Variants in MBNL1 observed in about 807,000 individuals in gnomAD.
MBNL1 encodes the protein muscleblind like splicing regulator 1, also known as muscleblind-like protein 1.
Under a neutral mutation model 42.2 loss-of-function variants are expected in MBNL1, and 8 were observed. The observed-to-expected ratio is 0.19, with a 90% CI of 0.11 to 0.34. The LOEUF (loss-of-function observed/expected upper bound fraction) is 0.34, where lower values mean the gene tolerates loss of function less well. MBNL1 is among the 10% of genes least tolerant of loss of function. MBNL1 has a pLI of 1.00. For missense variants in MBNL1, 309 were observed against 495.3 expected (o/e 0.62, Z 3.57); for synonymous variants, 169 against 173.9 (o/e 0.97, Z 0.22).
chr3:152,401,318 A>G (rs1449867902), intron 2 of MBNL1, among the ~76,000 whole-genome samples: 2 of 152,208 alleles, frequency 1.3e-5, no homozygotes, highest in Non-Finnish European at 2.9e-5. Flanking sequence ...CTTGGCAAGA[A>G]AAGAAGGGAG....
chr3:152,346,171 G>A (rs2094204030), intron 2 of MBNL1, among the ~76,000 whole-genome samples: 2 of 152,094 alleles, frequency 1.3e-5, no homozygotes, highest in Non-Finnish European at 2.9e-5. Context: ...GCTTGGAGAT[G>A]AATGAGGTGA....
chr3:152,303,800 C>T (rs566039174), intron 2 of MBNL1, among the ~76,000 whole-genome samples: 7 of 152,166 alleles, frequency 4.6e-5, no homozygotes, highest in South Asian at 2.1e-4. Context: ...TTCAAATACC[C>T]ATTCATTTTT....
chr3:152,419,953 A>G (rs184671629), intron 3 of MBNL1, among the ~76,000 whole-genome samples: 186 of 152,268 alleles, frequency 1.2e-3, no homozygotes, highest in African/African-American at 4.3e-3. Flanking sequence ...AGGCTTGAGT[A>G]GGCGGTTTCC....
intron 2 of MBNL1, among the ~76,000 whole-genome samples, chr3:152,360,582 T>C (rs546649950): frequency 1.3e-5 from 2 of 152,148 alleles, no homozygotes; most frequent in East Asian, 1.9e-4. Flanking sequence ...CCAGGCCTGA[T>C]TGGGGGTTCT....
chr3:152,374,614 C>T (rs1001219496), intron 2 of MBNL1, among the ~76,000 whole-genome samples: 4 of 152,084 alleles, frequency 2.6e-5, no homozygotes, highest in African/African-American at 4.8e-5. Flanking sequence ...GGGCAGCATA[C>T]GAATACCAGG....
chr3:152,402,442 C>G (rs546386604), intron 2 of MBNL1, among the ~76,000 whole-genome samples: 1 of 152,300 alleles, frequency 6.6e-6, no homozygotes, highest in South Asian at 2.1e-4. Flanking sequence ...GAACAAGCAA[C>G]TTTCTGATTT....
At chr3:152,396,701 A>G (rs1259558488) in intron 2 of MBNL1, among the ~76,000 whole-genome samples, 2 of 152,052 alleles carry the variant, frequency 1.3e-5, no homozygotes, top group African/African-American at 4.8e-5. Context: ...CCTTGACCCT[A>G]TTCCACCTTT....
chr3:152,326,995 G>A (rs2080781145), intron 2 of MBNL1, among the ~76,000 whole-genome samples: 1 of 151,804 alleles, frequency 6.6e-6, no homozygotes, highest in Non-Finnish European at 1.5e-5. Context: ...TTTTAGTAGA[G>A]ATGGGGTTTC....
At chr3:152,351,458 GTGTT>G (rs201492203) in intron 2 of MBNL1, among the ~76,000 whole-genome samples, 2,753 of 151,824 alleles carry the variant, frequency 0.018, 53 homozygotes, top group Non-Finnish European at 0.03. Flanking sequence ...TTTTATGTTA[GTGTT>G]TGTTTTATGG....
intron 1 of MBNL1, among the ~76,000 whole-genome samples, chr3:152,297,774 A>G (rs2059274014): frequency 6.6e-6 from 1 of 151,974 alleles, no homozygotes; most frequent in Non-Finnish European, 1.5e-5. Context: ...CTTCTGCCTC[A>G]GCCTCCTGAG....
At chr3:152,326,760 A>T (rs2080448055) in intron 2 of MBNL1, among the ~76,000 whole-genome samples, 1 of 143,398 alleles carries the variant, frequency 7.0e-6, no homozygotes, top group South Asian at 2.2e-4. Context: ...TTTTCTAAAA[A>T]ATTTTTCCCT....
chr3:152,341,494 G>A (rs1341682057), intron 2 of MBNL1, among the ~76,000 whole-genome samples: 4 of 152,092 alleles, frequency 2.6e-5, no homozygotes, highest in Non-Finnish European at 5.9e-5. Flanking sequence ...CTCAAAATAA[G>A]GTCTCAATCG....
chr3:152,350,984 C>T (rs1307994007), intron 2 of MBNL1, among the ~76,000 whole-genome samples: 1 of 152,118 alleles, frequency 6.6e-6, no homozygotes, highest in Non-Finnish European at 1.5e-5. Flanking sequence ...TAGTACAAGG[C>T]TGATGACTAA....
At chr3:152,328,018 C>T (rs2081549978) in intron 2 of MBNL1, among the ~76,000 whole-genome samples, 1 of 151,946 alleles carries the variant, frequency 6.6e-6, no homozygotes, top group South Asian at 2.1e-4. Flanking sequence ...GAGAATTCCT[C>T]CAAGATTAAA....
At chr3:152,450,011 A>T (rs1398733205) in intron 6 of MBNL1, among the ~76,000 whole-genome samples, 1 of 148,666 alleles carries the variant, frequency 6.7e-6, no homozygotes. Context: ...AGGTTGAGGC[A>T]GGAGAATCCC....
intron 2 of MBNL1, among the ~76,000 whole-genome samples, chr3:152,371,775 G>A (rs368104179): frequency 2.0e-5 from 3 of 152,218 alleles, no homozygotes; most frequent in East Asian, 3.9e-4. Context: ...ATGATTACGT[G>A]TCTTGGGGCT....
chr3:152,377,200 A>G (rs1307168503), intron 2 of MBNL1, among the ~76,000 whole-genome samples: 2 of 152,190 alleles, frequency 1.3e-5, no homozygotes, highest in African/African-American at 2.4e-5. Context: ...ATTTTACTAC[A>G]TTTAATAGAA....
At chr3:152,389,082 C>T (rs1034666539) in intron 2 of MBNL1, among the ~76,000 whole-genome samples, 27 of 151,998 alleles carry the variant, frequency 1.8e-4, no homozygotes, top group Non-Finnish European at 3.5e-4. Flanking sequence ...CCTTTTTATA[C>T]AGTCATGCAT....
intron 1 of MBNL1, among the ~76,000 whole-genome samples, chr3:152,292,367 T>G (rs547889420): frequency 7.9e-5 from 12 of 152,230 alleles, no homozygotes; most frequent in Non-Finnish European, 1.6e-4. Flanking sequence ...TAGTTGCCAC[T>G]GGAATTCTAA....
Sources: allele counts gnomAD v4.1 joint callset (sites outside exome capture counted in the v4.1 genomes callset), GRCh38; gene constraint gnomAD v4.1.1; transcripts MANE v1.5; gene names NCBI Gene and HGNC (gene_info 2026-07-23, HGNC 2026-07-21).